FNDC3B: variants seen among roughly 807,000 people sequenced by gnomAD.
FNDC3B encodes fibronectin type III domain-containing protein 3B.
In FNDC3B, 12 loss-of-function variants were observed where a neutral mutation model predicts 151.5. That is an observed-to-expected ratio of 0.08 (90% CI 0.05 to 0.13). The LOEUF (loss-of-function observed/expected upper bound fraction) is 0.13, where lower values mean the gene tolerates loss of function less well. Ranked by LOEUF, FNDC3B falls within the 10% of genes least tolerant of loss-of-function variation. FNDC3B has a pLI of 1.00. For synonymous variants in FNDC3B, 528 were observed against 549.0 expected (o/e 0.96, Z 0.54); for missense variants, 1,214 against 1,505.3 (o/e 0.81, Z 3.20).
At chr3:172,310,005 G>A in intron 10 of FNDC3B, among the ~76,000 whole-genome samples, 1 of 152,088 alleles carries the variant, frequency 6.6e-6, no homozygotes, top group Non-Finnish European at 1.5e-5. Flanking sequence ...AGTCGGCCCT[G>A]GCATGTTTTT....
intron 3 of FNDC3B, chr3:172,225,467 T>C: frequency 4.2e-6 from 1 of 237,312 alleles, no homozygotes; most frequent in South Asian, 6.4e-5. Flanking sequence ...TCAGACAATA[T>C]TTGCCACAAT....
At chr3:172,210,062 C>T (rs867341278) in intron 3 of FNDC3B, among the ~76,000 whole-genome samples, 16 of 152,316 alleles carry the variant, frequency 1.1e-4, no homozygotes, top group Middle Eastern at 6.8e-3. Context: ...TCTGAGCCTG[C>T]GGGAGCGCAG....
chr3:172,224,964 C>T (rs1003300212), intron 3 of FNDC3B, among the ~76,000 whole-genome samples: 13 of 152,160 alleles, frequency 8.5e-5, no homozygotes, highest in African/African-American at 2.9e-4. Context: ...TTTATTTAAT[C>T]GTTAGATCTT....
At position 172,353,069 on chromosome 3, in the gene FNDC3B, A is replaced by G; in HGVS notation, c.2781A>G (p.Pro927=). 6.2e-7 allele frequency: 1 copy of G among 1,613,916 alleles called. No individual in the cohort carries two copies. Among genetic ancestry groups the G allele is most frequent in the Middle Eastern group, 1.6e-4 (1 of 6,062 alleles). ...TGCATGTTATGAAAGATCTCCTTCCAGAAACCACCTACCGGTGAGTGCAAG... is the reference window on the plus strand; with the variant it reads ...TGCATGTTATGAAAGATCTCCTTCCGGAAACCACCTACCGGTGAGTGCAAG... ...TTMHVMKDLL[P]ETTYRIRIQA... Residue 927 remains proline (P), a synonymous_variant, in exon 22 of 26, where the codon CCA becomes CCG. Transcript: ENST00000415807.
At chr3:172,186,293 A>G (rs1419094942) in intron 3 of FNDC3B, among the ~76,000 whole-genome samples, 1 of 152,246 alleles carries the variant, frequency 6.6e-6, no homozygotes, top group African/African-American at 2.4e-5. Flanking sequence ...TGGGATTACA[A>G]GTGCTTTTCT....
intron 3 of FNDC3B, among the ~76,000 whole-genome samples, chr3:172,177,551 C>T (rs1164378024): frequency 6.9e-6 from 1 of 145,044 alleles, no homozygotes; most frequent in Non-Finnish European, 1.5e-5. Flanking sequence ...AAAGCTTATA[C>T]TGTATTATAT....
Position 172,328,923 on chromosome 3 carries a change from A to G in FNDC3B, c.1255-29A>G, listed in dbSNP as rs778712799. 2.3e-5 allele frequency: 34 copies of G among 1,497,018 alleles called. No individual in the cohort carries two copies. In the South Asian group the frequency reaches 2.6e-4, roughly 11 times the overall value. The allele number at this position is 1,497,018 out of a possible 1,614,324, so 92.7% of individuals were successfully genotyped here. ...ATCTGTTGTTTTTTTTTTTTTAAGT[A>G]TATGCATTGTTTCATTGTTTACTTT... On this transcript the variant is annotated intron_variant, in intron 11 of 25. Transcript: ENST00000415807.
intron 3 of FNDC3B, among the ~76,000 whole-genome samples, chr3:172,199,190 T>A (rs1001925695): frequency 1.5e-4 from 23 of 148,408 alleles, no homozygotes; most frequent in African/African-American, 5.6e-4. Context: ...TTTTTTATTT[T>A]TTTTTTTTTG....
chr3:172,246,740 A>G (rs930094978), intron 4 of FNDC3B, among the ~76,000 whole-genome samples: 1 of 152,224 alleles, frequency 6.6e-6, no homozygotes, highest in Non-Finnish European at 1.5e-5. Flanking sequence ...AGCCTGGGCA[A>G]CAGAGTGAAA....
chr3:172,329,889 A>C (rs1024706179), intron 12 of FNDC3B: 2 of 152,228 alleles, frequency 1.3e-5, no homozygotes, highest in Non-Finnish European at 2.9e-5. Context: ...AATGAATTGG[A>C]AGCATCCACA....
intron 18 of FNDC3B, among the ~76,000 whole-genome samples, chr3:172,343,646 A>G (rs994102375): frequency 6.6e-6 from 1 of 152,200 alleles, no homozygotes; most frequent in Non-Finnish European, 1.5e-5. Flanking sequence ...TACAAGTACA[A>G]ATGTACAGAA....
intron 2 of FNDC3B, among the ~76,000 whole-genome samples, chr3:172,122,447 C>G (rs1559976325): frequency 6.6e-6 from 1 of 152,182 alleles, no homozygotes; most frequent in Admixed American, 6.5e-5. Context: ...GAACTAGATG[C>G]CTCTTAGTCA....
chr3:172,085,008 A>G (rs1442584585), intron 1 of FNDC3B, among the ~76,000 whole-genome samples: 2 of 152,214 alleles, frequency 1.3e-5, no homozygotes, highest in Non-Finnish European at 2.9e-5. Flanking sequence ...TGGGTTCTCC[A>G]GCTCCATAGT....
At chr3:172,058,634 A>T (rs2108468398) in intron 1 of FNDC3B, among the ~76,000 whole-genome samples, 1 of 152,316 alleles carries the variant, frequency 6.6e-6, no homozygotes, top group African/African-American at 2.4e-5. Flanking sequence ...CATGAAATAC[A>T]TAATGAGAAG....
chr3:172,347,780 G>A (rs1733681756), intron 21 of FNDC3B, among the ~76,000 whole-genome samples: 1 of 152,144 alleles, frequency 6.6e-6, no homozygotes, highest in African/African-American at 2.4e-5. Context: ...GTTAAATGGA[G>A]CCAAAAATAA....
Position 172,304,995 on chromosome 3 carries a change from A to G in FNDC3B, c.1062-2368A>G, listed in dbSNP as rs573510044. ...AATGAGAGCGCTCCAGATATTTTTCAGTGAAGGCTTAATTTTTACTTTTTT... is the reference window on the plus strand; with the variant it reads ...AATGAGAGCGCTCCAGATATTTTTCGGTGAAGGCTTAATTTTTACTTTTTT... On this transcript the variant is annotated intron_variant, in intron 9 of 25. Transcript: ENST00000415807. 2.2e-3 allele frequency among the ~76,000 whole-genome samples: 336 copies of G among 151,782 alleles called. 2 individuals are homozygous for G. The highest frequency in any genetic ancestry group is 4.1e-3 in the Non-Finnish European group (282 of 67,966).
At chr3:172,158,396 C>A (rs1722603949) in intron 3 of FNDC3B, among the ~76,000 whole-genome samples, 3 of 152,146 alleles carry the variant, frequency 2.0e-5, no homozygotes, top group African/African-American at 2.4e-5. Flanking sequence ...ATTTACATTT[C>A]TTCAATGGCT....
At chr3:172,104,523 A>T (rs1247453227) in intron 1 of FNDC3B, among the ~76,000 whole-genome samples, 1 of 152,112 alleles carries the variant, frequency 6.6e-6, no homozygotes, top group Non-Finnish European at 1.5e-5. Context: ...TAAAAAGCAA[A>T]GGGGAATGTT....
intron 1 of FNDC3B, among the ~76,000 whole-genome samples, chr3:172,062,294 T>G (rs964574531): frequency 1.3e-5 from 2 of 152,152 alleles, no homozygotes; most frequent in African/African-American, 4.8e-5. Context: ...TACCCCAATT[T>G]CTGCTACTTT....
Sources: gnomAD v4.1 joint callset for allele counts (sites outside exome capture counted in the v4.1 genomes callset) on GRCh38, gnomAD v4.1.1 for gene constraint, MANE v1.5 for transcripts, NCBI Gene and HGNC (gene_info 2026-07-23, HGNC 2026-07-21) for gene names.